CPA6: variants seen among roughly 807,000 people sequenced by gnomAD.
The protein encoded by CPA6 is carboxypeptidase B.
CPA6 carries 58 observed loss-of-function variants against 63.3 expected under a neutral mutation model. That is an observed-to-expected ratio of 0.92 (90% CI 0.74 to 1.14). The LOEUF is 1.14. Ranked by LOEUF, CPA6 falls within the 50% of genes most tolerant of loss-of-function variation. CPA6 has a pLI of 0.00. For missense variants in CPA6, 565 were observed against 526.6 expected (o/e 1.07, Z -0.71); for synonymous variants, 185 against 179.0 (o/e 1.03, Z -0.27).
intron 8 of CPA6, among the ~76,000 whole-genome samples, chr8:67,443,553 A>G (rs1375472765): frequency 2.0e-5 from 3 of 152,102 alleles, no homozygotes; most frequent in African/African-American, 7.2e-5. Flanking sequence ...ATAATTCAGT[A>G]GTTTTTAGTA....
intron 9 of CPA6, among the ~76,000 whole-genome samples, chr8:67,428,860 A>G (rs1809955652): frequency 6.6e-6 from 1 of 152,210 alleles, no homozygotes. Context: ...GCTCACAACC[A>G]GTACTTAGCA....
chr8:67,711,720 C>CACACACACAT (rs764510531), intron 1 of CPA6, among the ~76,000 whole-genome samples: 5,634 of 151,096 alleles, frequency 0.037, 274 homozygotes, highest in African/African-American at 0.11. Flanking sequence ...CACACACACA[C>CACACACACAT]ACATCTGAAA....
chr8:67,437,409 T>TAAAAC (rs1347322110), intron 8 of CPA6, among the ~76,000 whole-genome samples: 55 of 149,640 alleles, frequency 3.7e-4, no homozygotes, highest in African/African-American at 1.3e-3. Flanking sequence ...CAAAACAAAA[T>TAAAAC]AAAACAAAAC....
At chr8:67,501,317 G>T (rs1478249968) in intron 6 of CPA6, among the ~76,000 whole-genome samples, 1 of 152,068 alleles carries the variant, frequency 6.6e-6, no homozygotes, top group Non-Finnish European at 1.5e-5. Context: ...ACTTTTTTGA[G>T]TAATTGTATA....
chr8:67,711,895 C>T (rs1817269996), intron 1 of CPA6, among the ~76,000 whole-genome samples: 1 of 152,030 alleles, frequency 6.6e-6, no homozygotes, highest in Admixed American at 6.5e-5. Flanking sequence ...ACTGTTGCCC[C>T]AAGGAGAAAC....
intron 1 of CPA6, among the ~76,000 whole-genome samples, chr8:67,683,282 G>T (rs1816636846): frequency 6.6e-6 from 1 of 152,188 alleles, no homozygotes; most frequent in African/African-American, 2.4e-5. Context: ...AGCAGAAGTT[G>T]CCATAACTGT....
intron 2 of CPA6, among the ~76,000 whole-genome samples, chr8:67,571,702 A>T (rs1813489864): frequency 6.6e-6 from 1 of 152,210 alleles, no homozygotes; most frequent in Non-Finnish European, 1.5e-5. Context: ...CAGTTGTAAG[A>T]GGAAAGTTTG....
chr8:67,579,899 G>A (rs1055771097), intron 2 of CPA6, among the ~76,000 whole-genome samples: 8 of 152,128 alleles, frequency 5.3e-5, no homozygotes, highest in African/African-American at 1.4e-4. Flanking sequence ...CCCTCAAACC[G>A]AAAATATTTA....
chr8:67,448,958 A>G (rs1280275474), intron 8 of CPA6, among the ~76,000 whole-genome samples: 2 of 152,114 alleles, frequency 1.3e-5, no homozygotes, highest in Non-Finnish European at 2.9e-5. Context: ...GTTATATATT[A>G]AAGTGTAATG....
intron 1 of CPA6, among the ~76,000 whole-genome samples, chr8:67,642,795 A>T (rs1468232066): frequency 4.9e-5 from 7 of 141,674 alleles, no homozygotes; most frequent in East Asian, 2.0e-4. Flanking sequence ...CCTTTATCTC[A>T]CACACACACA....
chr8:67,651,144 GT>G (rs1259229437), intron 1 of CPA6, among the ~76,000 whole-genome samples: 2 of 152,104 alleles, frequency 1.3e-5, no homozygotes, highest in African/African-American at 4.8e-5. Flanking sequence ...TAATGGCTTT[GT>G]GATTACATGA....
chr8:67,588,014 T>C (rs973677111), intron 2 of CPA6, among the ~76,000 whole-genome samples: 5 of 152,118 alleles, frequency 3.3e-5, no homozygotes, highest in East Asian at 3.9e-4. Context: ...CAGGTGTGCT[T>C]GAGGTAAAAA....
At chr8:67,557,883 C>A (rs1211069443) in intron 2 of CPA6, among the ~76,000 whole-genome samples, 4 of 152,140 alleles carry the variant, frequency 2.6e-5, no homozygotes, top group African/African-American at 9.7e-5. Context: ...GATTTTGTGT[C>A]ATGGCTGAGA....
chr8:67,487,401 C>G (rs905930035), intron 6 of CPA6, among the ~76,000 whole-genome samples: 1 of 152,166 alleles, frequency 6.6e-6, no homozygotes, highest in African/African-American at 2.4e-5. Context: ...TTTATGGCTG[C>G]ATAGTATTCC....
chr8:67,435,329 G>A (rs1810125625), intron 8 of CPA6, among the ~76,000 whole-genome samples: 1 of 151,936 alleles, frequency 6.6e-6, no homozygotes, highest in Non-Finnish European at 1.5e-5. Flanking sequence ...CCCAGCTCAG[G>A]CAGATGGCAG....
intron 3 of CPA6, among the ~76,000 whole-genome samples, chr8:67,512,567 C>T (rs1812063170): frequency 6.6e-6 from 1 of 152,192 alleles, no homozygotes; most frequent in Non-Finnish European, 1.5e-5. Context: ...CTTGATGTGA[C>T]ATGTGAGTTA....
At chr8:67,552,774 C>CAAAAAA (rs762395117) in intron 2 of CPA6, among the ~76,000 whole-genome samples, 58 of 20,896 alleles carry the variant, frequency 2.8e-3, no homozygotes, top group African/African-American at 4.7e-3. Flanking sequence ...AAGACTGTCT[C>CAAAAAA]AAAAAAAAAA....
rs541266482 is a variant in CPA6 at position 67,496,069 on chromosome 8, T to G, written c.636+10718A>C. 3.3e-5 allele frequency among the ~76,000 whole-genome samples: 5 copies of G among 152,314 alleles called. No homozygotes were observed. The South Asian group carries it at 1.0e-3, about 32-fold the overall frequency. On this transcript the variant is annotated intron_variant, in intron 6 of 10. Transcript: ENST00000297770. ...TCATTTCCCTGATCAAATTCCAACT[T>G]CTCAGTCAAGGCTGGAGAATCATTT...
In CPA6 at chr8:67,552,774, CAAAAAAAAAA is replaced by C. The variant is rs762395117; in HGVS notation, c.193-34737_193-34728del. On this transcript the variant is annotated intron_variant, in intron 2 of 10. Transcript: ENST00000297770. The stretch of plus-strand genomic sequence containing the variant: ...CCTGGGTGACAGAGCAAGACTGTCT[CAAAAAAAAAA>C]AAAAAAAAAAAAAAAAAGAAAAGAA... 7.5e-3 allele frequency among the ~76,000 whole-genome samples: 158 copies of C among 20,938 alleles called. 1 individual carries two copies. The highest frequency in any genetic ancestry group is 0.012 in the Non-Finnish European group (135 of 11,526). The allele number at this position is 20,938 out of a possible 152,430, so 13.7% of individuals were successfully genotyped here.
Sources: allele counts gnomAD v4.1 joint callset (sites outside exome capture counted in the v4.1 genomes callset), GRCh38; gene constraint gnomAD v4.1.1; transcripts MANE v1.5; gene names NCBI Gene and HGNC (gene_info 2026-07-23, HGNC 2026-07-21).